TNFAIP8: variants seen among roughly 807,000 people sequenced by gnomAD.
The protein encoded by TNFAIP8 is TNF alpha induced protein 8, also known as tumor necrosis factor alpha-induced protein 8.
Under a neutral mutation model 13.3 loss-of-function variants are expected in TNFAIP8, and 7 were observed. The ratio of observed to expected loss-of-function variants is 0.52; its 90% CI spans 0.30 to 0.99. The LOEUF (loss-of-function observed/expected upper bound fraction) is 0.99, where lower values mean the gene tolerates loss of function less well. Ranked by LOEUF, TNFAIP8 falls within the 50% of genes least tolerant of loss-of-function variation. The pLI is 0.07. For synonymous variants in TNFAIP8, 94 were observed against 87.6 expected, an observed-to-expected ratio of 1.07 and a Z score of -0.41; for missense variants, 258 against 236.9, an observed-to-expected ratio of 1.09 and a Z score of -0.58.
chr5:119,296,910 G>T (rs147178270), intron 1 of TNFAIP8, among the ~76,000 whole-genome samples: 74,011 of 151,196 alleles, frequency 0.49, 19,659 homozygotes, highest in East Asian at 0.83. Flanking sequence ...TAGTTTATTT[G>T]CGTAGAGGTG....
chr5:119,354,978 G>A (rs1751326026), upstream of TNFAIP8: 1 of 197,446 alleles, frequency 5.1e-6, no homozygotes, highest in Non-Finnish European at 1.0e-5. Flanking sequence ...TCAGACTGGC[G>A]ATAAAACAAG....
intron 1 of TNFAIP8, among the ~76,000 whole-genome samples, chr5:119,392,294 T>A (rs144423763): frequency 1.3e-5 from 2 of 152,406 alleles, no homozygotes; most frequent in Non-Finnish European, 1.5e-5. Context: ...TACTCAATAT[T>A]ATGGCTTTGC....
chr5:119,358,427 T>C (rs1014970836), intron 1 of TNFAIP8, among the ~76,000 whole-genome samples: 6 of 152,222 alleles, frequency 3.9e-5, no homozygotes, highest in Admixed American at 2.6e-4. Flanking sequence ...CCCCAGCCTA[T>C]AGCCATCTCC....
chr5:119,358,274 A>G (rs946170158), intron 1 of TNFAIP8, among the ~76,000 whole-genome samples: 6 of 152,178 alleles, frequency 3.9e-5, no homozygotes, highest in African/African-American at 1.4e-4. Flanking sequence ...AGAGACTAGT[A>G]TACTTTGGGG....
At chr5:119,277,455 C>T (rs539462831) in intron 1 of TNFAIP8, among the ~76,000 whole-genome samples, 3 of 152,118 alleles carry the variant, frequency 2.0e-5, no homozygotes, top group East Asian at 1.9e-4. Context: ...TTATAGCTCA[C>T]GTCTACTGGC....
chr5:119,369,357 A>C (rs954553593), intron 1 of TNFAIP8, among the ~76,000 whole-genome samples: 4 of 152,126 alleles, frequency 2.6e-5, no homozygotes, highest in African/African-American at 9.7e-5. Flanking sequence ...CCTGGCCCAA[A>C]CTTTCATTGA....
intron 1 of TNFAIP8, among the ~76,000 whole-genome samples, chr5:119,299,926 T>C (rs1749309307): frequency 6.6e-6 from 1 of 152,242 alleles, no homozygotes; most frequent in Admixed American, 6.5e-5. Context: ...GTGCGGGTTA[T>C]AATCTCTTGG....
At chr5:119,389,765 C>T (rs555250126) in intron 1 of TNFAIP8, among the ~76,000 whole-genome samples, 1 of 152,276 alleles carries the variant, frequency 6.6e-6, no homozygotes, top group East Asian at 1.9e-4. Flanking sequence ...ACTGGAATAA[C>T]CCAAAGAATA....
rs1184754794 is a variant in TNFAIP8 at position 119,289,497 on chromosome 5, G to T, written c.1+20590G>T. Among the ~76,000 whole-genome samples the T allele has an allele frequency of 2.0e-5, 3 of 152,160 alleles. No individual in the cohort carries two copies. The East Asian group carries it at 5.8e-4, about 29-fold the overall frequency. On this transcript the variant is annotated intron_variant, in intron 1 of 1. Coordinates refer to the TNFAIP8 transcript ENST00000274456. ...GGGCTGGAAACCTCTTTTAAAGATT[G>T]GAGAATTCAGAAGAAATCTTGTCAA...
chr5:119,302,828 T>C (rs762152124), intron 1 of TNFAIP8, among the ~76,000 whole-genome samples: 1 of 152,222 alleles, frequency 6.6e-6, no homozygotes, highest in Admixed American at 6.5e-5. Flanking sequence ...TTTTTATATA[T>C]TCCTGGGCTT....
intron 1 of TNFAIP8, among the ~76,000 whole-genome samples, chr5:119,290,499 C>A (rs1474810232): frequency 6.6e-6 from 1 of 152,164 alleles, no homozygotes; most frequent in African/African-American, 2.4e-5. Context: ...GATGACTCTT[C>A]TTAGAGTGAG....
intron 1 of TNFAIP8, among the ~76,000 whole-genome samples, chr5:119,303,356 T>G (rs903602692): frequency 6.6e-6 from 1 of 152,228 alleles, no homozygotes; most frequent in Non-Finnish European, 1.5e-5. Flanking sequence ...CAACATGTTA[T>G]GCAGAAGGTG....
chr5:119,345,498 C>G (rs2112740589), intron 1 of TNFAIP8, among the ~76,000 whole-genome samples: 1 of 152,272 alleles, frequency 6.6e-6, no homozygotes, highest in South Asian at 2.1e-4. Context: ...GTGATATACA[C>G]ATACAATGGA....
chr5:119,274,221 G>T (rs1233202610), intron 1 of TNFAIP8, among the ~76,000 whole-genome samples: 2 of 152,254 alleles, frequency 1.3e-5, no homozygotes, highest in African/African-American at 4.8e-5. Flanking sequence ...AGAAAAAAAT[G>T]CATGGACAGT....
At chr5:119,357,693 T>C (rs981988975) in intron 1 of TNFAIP8, among the ~76,000 whole-genome samples, 2 of 151,692 alleles carry the variant, frequency 1.3e-5, no homozygotes, top group African/African-American at 4.8e-5. Context: ...ATGGGGCCCC[T>C]TCTGCTTGTT....
At chr5:119,326,109 GCCTA>G (rs1475251970) in intron 1 of TNFAIP8, among the ~76,000 whole-genome samples, 1 of 152,116 alleles carries the variant, frequency 6.6e-6, no homozygotes, top group African/African-American at 2.4e-5. Context: ...CTAAGTCAAT[GCCTA>G]CCATTCAGTA....
In TNFAIP8 at chr5:119,348,035, C is replaced by T. The variant is rs116044458; in HGVS notation, c.2-44781C>T. The stretch of plus-strand genomic sequence containing the variant: ...TGCATTTCACATTTCAAATTTTGTT[C>T]AGAAACTTGAATAAAGCTCTTAACT... On this transcript the variant is annotated intron_variant, in intron 1 of 1. Transcript: ENST00000274456. Among the ~76,000 whole-genome samples the T allele has an allele frequency of 2.3e-3, 343 of 152,278 alleles. 1 individual carries two copies. The highest frequency in any genetic ancestry group is 7.9e-3 in the African/African-American group (328 of 41,542).
chr5:119,349,290 AT>A (rs1430561382), intron 1 of TNFAIP8, among the ~76,000 whole-genome samples: 1 of 152,250 alleles, frequency 6.6e-6, no homozygotes, highest in Non-Finnish European at 1.5e-5. Flanking sequence ...TCATGATTAT[AT>A]TTGGAAAAGT....
At chr5:119,381,666 T>C (rs1386295941) in intron 1 of TNFAIP8, among the ~76,000 whole-genome samples, 1 of 152,088 alleles carries the variant, frequency 6.6e-6, no homozygotes, top group Non-Finnish European at 1.5e-5. Flanking sequence ...AGTCCCAGGG[T>C]CCCGGGTAAG....
Sources: gnomAD v4.1 joint callset for allele counts (sites outside exome capture counted in the v4.1 genomes callset) on GRCh38, gnomAD v4.1.1 for gene constraint, MANE v1.5 for transcripts, NCBI Gene and HGNC (gene_info 2026-07-23, HGNC 2026-07-21) for gene names.